Variants in ZC3H11A observed in about 807,000 individuals in gnomAD.
ZC3H11A encodes zinc finger CCCH-type containing 11A.
Under a neutral mutation model 90.8 loss-of-function variants are expected in ZC3H11A, and 22 were observed. The observed-to-expected ratio is 0.24, with a 90% CI of 0.17 to 0.35. The LOEUF is 0.35. Ranked by LOEUF, ZC3H11A falls within the 10% of genes least tolerant of loss-of-function variation. The pLI is 1.00. For missense variants in ZC3H11A, 701 were observed against 964.9 expected (o/e 0.73, Z 3.62); for synonymous variants, 294 against 339.8 (o/e 0.87, Z 1.48).
rs1571850761 is a variant in ZC3H11A at position 203,797,577 on chromosome 1, T to C, written c.-1588+1783T>C. 7.8e-6 allele frequency: 12 copies of C among 1,533,294 alleles called. No individual in the cohort carries two copies. In the African/African-American group the frequency reaches 1.1e-4, roughly 14 times the overall value. The allele number at this position is 1,533,294 out of a possible 1,614,324, so 95.0% of individuals were successfully genotyped here. A position where few individuals can be genotyped will look rare whatever the true frequency, so the allele number is the denominator to read the frequency against. Reference sequence around the variant, plus strand: ...TTCTTCACTCTCTCCTGGCAGAAGATGCAACACTTTTAGTGATTCTGGGAT... The same window carrying C: ...TTCTTCACTCTCTCCTGGCAGAAGACGCAACACTTTTAGTGATTCTGGGAT... On this transcript the variant is annotated intron_variant, in intron 1 of 17. Coordinates refer to ENST00000367210, the MANE Select transcript of ZC3H11A (RefSeq NM_001376342.1).
At position 203,805,754 on chromosome 1, in the gene ZC3H11A, G is replaced by A; in HGVS notation, c.-146+2738G>A. 3 of 676,322 alleles carry A rather than the reference G, an allele frequency of 4.4e-6. No homozygotes were observed. In the Admixed American group the frequency reaches 5.4e-5, roughly 12 times the overall value. The allele number at this position is 676,322 out of a possible 1,614,324, so 41.9% of individuals were successfully genotyped here. Reference sequence around the variant, plus strand: ...AAATAGAACTCTTGGTCAGCCACAAGCTCATCACCCAGTGTATCCAACTCT... The same window carrying A: ...AAATAGAACTCTTGGTCAGCCACAAACTCATCACCCAGTGTATCCAACTCT... On this transcript the variant is annotated intron_variant, in intron 2 of 17. Coordinates refer to ENST00000367210, the MANE Select transcript of ZC3H11A (RefSeq NM_001376342.1).
Position 203,849,696 on chromosome 1 carries a change from C to G in ZC3H11A, c.1624-15C>G, listed in dbSNP as rs776103552. 6.2e-7 allele frequency: 1 copy of G among 1,612,332 alleles called. No individual in the cohort carries two copies. Among genetic ancestry groups the G allele is most frequent in the South Asian group, 1.1e-5 (1 of 90,986 alleles). On this transcript the variant is annotated splice_polypyrimidine_tract_variant and intron_variant, in intron 14 of 17. Transcript: ENST00000367210. ...GGTACCAGATTTTAATTCTGTCATT[C>G]AAATTTATCCACAGGCTTCAGGTGA...
At chr1:203,799,782 C>T (rs1316377239) in intron 1 of ZC3H11A, 1 of 1,050,698 alleles carries the variant, frequency 9.5e-7, no homozygotes, top group South Asian at 1.3e-5. Context: ...AACAGATACC[C>T]TACTAAGTGC....
intron 4 of ZC3H11A, among the ~76,000 whole-genome samples, chr1:203,821,903 G>A (rs555773377): frequency 9.9e-5 from 15 of 152,048 alleles, no homozygotes; most frequent in African/African-American, 2.9e-4. Context: ...GATTACAGGT[G>A]CCCGCCACCA....
At chr1:203,837,454 CTTT>C (rs148758453) in intron 10 of ZC3H11A, among the ~76,000 whole-genome samples, 1 of 143,940 alleles carries the variant, frequency 6.9e-6, no homozygotes, top group Admixed American at 7.0e-5. Flanking sequence ...CCTTGTCTCT[CTTT>C]TTTTTTTTTT....
intron 2 of ZC3H11A, among the ~76,000 whole-genome samples, chr1:203,807,935 T>C (rs1207800962): frequency 1.3e-5 from 2 of 151,846 alleles, no homozygotes; most frequent in Non-Finnish European, 2.9e-5. Flanking sequence ...AGAAACTAGG[T>C]CTCATTATGT....
chr1:203,852,427 A>C lies in ZC3H11A; in HGVS notation c.*28A>C, dbSNP rs781583570. 4.5e-5 allele frequency: 72 copies of C among 1,605,230 alleles called. No homozygotes were observed. The highest frequency in any genetic ancestry group is 3.6e-4 in the South Asian group (32 of 89,232). ...GTGGTAGTGAGGACACTTTAAAAAA[A>C]AAATCGCCAAAAAACTGGACTTAGT... is the stretch of plus-strand genomic sequence containing the variant. On this transcript the variant is annotated 3_prime_UTR_variant, in exon 18 of 18. Coordinates refer to ENST00000367210, the MANE Select transcript of ZC3H11A (RefSeq NM_001376342.1).
At chr1:203,837,695 C>G (rs953778234) in intron 10 of ZC3H11A, among the ~76,000 whole-genome samples, 1 of 152,076 alleles carries the variant, frequency 6.6e-6, no homozygotes, top group Admixed American at 6.5e-5. Context: ...CCAGGCTGGT[C>G]TCGAACTCCT....
At position 203,824,639 on chromosome 1, in the gene ZC3H11A, C is replaced by T. The variant is rs944809356; in HGVS notation, c.175-3660C>T. ...AACAGAGCTCTGCCTCCTTCTGATACTGTAAACAAGTGTCCTTTTCATGAT... is the reference window on the plus strand; with the variant it reads ...AACAGAGCTCTGCCTCCTTCTGATATTGTAAACAAGTGTCCTTTTCATGAT... On this transcript the variant is annotated intron_variant, in intron 4 of 17. Transcript: ENST00000367210. Among the ~76,000 whole-genome samples the T allele has an allele frequency of 2.6e-5, 4 of 152,032 alleles. No homozygotes were observed. The East Asian group carries it at 7.7e-4, about 29-fold the overall frequency.
chr1:203,840,758 C>G (rs564613037), intron 12 of ZC3H11A, among the ~76,000 whole-genome samples: 18 of 151,946 alleles, frequency 1.2e-4, no homozygotes, highest in Non-Finnish European at 2.2e-4. Flanking sequence ...CTCAGCCTAC[C>G]GAGTAGCTAG....
At chr1:203,821,435 T>C (rs1678664921) in intron 4 of ZC3H11A, among the ~76,000 whole-genome samples, 1 of 152,206 alleles carries the variant, frequency 6.6e-6, no homozygotes, top group Non-Finnish European at 1.5e-5. Flanking sequence ...ATTACTTTTA[T>C]GCTCCGATTG....
chr1:203,825,889 G>C (rs1260374558), intron 4 of ZC3H11A, among the ~76,000 whole-genome samples: 1 of 152,002 alleles, frequency 6.6e-6, no homozygotes, highest in Non-Finnish European at 1.5e-5. Context: ...CATTTTCCAA[G>C]TTGTCTTCGT....
At chr1:203,830,977 G>T (rs866073630) in intron 8 of ZC3H11A, among the ~76,000 whole-genome samples, 903 of 37,290 alleles carry the variant, frequency 0.024, 4 homozygotes, top group African/African-American at 0.069. Flanking sequence ...ACAGAGTTTT[G>T]CTTTTGTTGC....
At chr1:203,797,998 G>T (rs1201404749) in intron 1 of ZC3H11A, 1 of 1,534,088 alleles carries the variant, frequency 6.5e-7, no homozygotes, top group Non-Finnish European at 8.7e-7. Context: ...AAAAGCGTCA[G>T]CAGGGGTAAA....
chr1:203,819,709 T>C (rs939869002), intron 4 of ZC3H11A, among the ~76,000 whole-genome samples: 4 of 150,482 alleles, frequency 2.7e-5, no homozygotes, highest in African/African-American at 9.8e-5. Context: ...TAATTCTGTA[T>C]TTTTAGTAGA....
intron 16 of ZC3H11A, 39 bp from the exon 17 acceptor site, chr1:203,851,018 C>T (rs369412562): frequency 2.5e-6 from 4 of 1,605,786 alleles, no homozygotes; most frequent in African/African-American, 1.3e-5. Flanking sequence ...AATTAAAAAG[C>T]CTGACTCTCA....
chr1:203,799,665 C>G (rs1490296710), intron 1 of ZC3H11A: 3 of 705,366 alleles, frequency 4.3e-6, no homozygotes, highest in Non-Finnish European at 7.7e-6. Context: ...GGTGCTACCC[C>G]TAATCCATCA....
chr1:203,835,006 C>T (rs1572224189), intron 10 of ZC3H11A, among the ~76,000 whole-genome samples: 1 of 152,122 alleles, frequency 6.6e-6, no homozygotes, highest in African/African-American at 2.4e-5. Context: ...TTTTAAATGT[C>T]CTAAAAAGGA....
At chr1:203,799,680 C>T in intron 1 of ZC3H11A, 1 of 708,376 alleles carries the variant, frequency 1.4e-6, no homozygotes, top group South Asian at 1.5e-5. Context: ...CCATCATCTA[C>T]TCCTTTCCCT....
Sources: allele counts gnomAD v4.1 joint callset (sites outside exome capture counted in the v4.1 genomes callset), GRCh38; gene constraint gnomAD v4.1.1; transcripts MANE v1.5; gene names NCBI Gene and HGNC (gene_info 2026-07-23, HGNC 2026-07-21).